Variants in KCNK6 observed in about 807,000 individuals in gnomAD.
KCNK6 encodes the protein potassium channel subfamily K member 6.
In KCNK6, 20 loss-of-function variants were observed where a neutral mutation model predicts 21.9. The ratio of observed to expected loss-of-function variants is 0.91; its 90% CI spans 0.64 to 1.32. The LOEUF (loss-of-function observed/expected upper bound fraction) is 1.32, where lower values mean the gene tolerates loss of function less well. Among genes scored for constraint, KCNK6 ranks in the 40% most tolerant of loss-of-function variants. The pLI, the probability that KCNK6 is intolerant of heterozygous loss-of-function variation, is 0.00. For synonymous variants in KCNK6, 210 were observed against 218.0 expected (o/e 0.96, Z 0.32); for missense variants, 415 against 433.1 (o/e 0.96, Z 0.37).
rs1237337299 is a variant in KCNK6, at chr19:38,320,088, G to A, written c.138G>A (p.Gln46=). The part of the protein sequence containing the change: ...LRAELETLRA[Q]LLQRSPCVAA... ...CCGAGCTGGAGACGCTGCGGGCGCA[G>A]CTGCTTCAGCGCAGCCCGTGTGTGG... The change falls in exon 1 of 3, where the codon CAG becomes CAA. Residue 46 remains glutamine, a synonymous_variant. Coordinates refer to ENST00000263372, the MANE Select transcript of KCNK6 (RefSeq NM_004823.3). 2.6e-6 allele frequency: 4 copies of A among 1,542,036 alleles called. No homozygotes were observed. Among genetic ancestry groups the A allele is most frequent in the Admixed American group, 3.9e-5 (2 of 51,672 alleles).
In KCNK6 at chr19:38,327,498, G is replaced by C; in HGVS notation, c.*95G>C. The C allele has an allele frequency of 8.6e-7, 1 of 1,167,246 alleles. No individual in the cohort carries two copies. The highest frequency in any genetic ancestry group is 1.2e-6 in the Non-Finnish European group (1 of 827,172). The allele number at this position is 1,167,246 out of a possible 1,614,324, so 72.3% of individuals were successfully genotyped here. ...CTGTACAGGAATGTCCACGAGCACA[G>C]CAGGTGATCTTGAGGCCTTGCCGTC... On this transcript the variant is annotated 3_prime_UTR_variant, in exon 3 of 3. Transcript: ENST00000263372.
At chr19:38,326,500 A>G in intron 1 of KCNK6, 93 bp from the exon 2 acceptor site, 1 of 1,406,476 alleles carries the variant, frequency 7.1e-7, no homozygotes, top group Admixed American at 2.1e-5. Context: ...GCAGTAAGCT[A>G]TGATGGCACC....
At position 38,327,518 on chromosome 19, in the gene KCNK6, G is replaced by A. The variant is rs761967593; in HGVS notation, c.*115G>A. On this transcript the variant is annotated 3_prime_UTR_variant, in exon 3 of 3. Coordinates refer to ENST00000263372, the MANE Select transcript of KCNK6 (RefSeq NM_004823.3). ...GCACAGCAGGTGATCTTGAGGCCTT[G>A]CCGTCCACCGTCTCTCCTTTGTTTC... The A allele has an allele frequency of 6.7e-6, 6 of 897,906 alleles. No homozygotes were observed. Among genetic ancestry groups the A allele is most frequent in the Non-Finnish European group, 1.0e-5 (6 of 592,988 alleles). 55.6% of individuals were successfully genotyped at this position (897,906 alleles called of 1,614,324 possible). A position where few individuals can be genotyped will look rare whatever the true frequency, so the allele number is the denominator to read the frequency against.
At chr19:38,322,754 G>A (rs965783560) in intron 1 of KCNK6, among the ~76,000 whole-genome samples, 3 of 152,044 alleles carry the variant, frequency 2.0e-5, no homozygotes, top group Non-Finnish European at 4.4e-5. Flanking sequence ...GGCAGAGGTT[G>A]CAATAAGCTG....
At chr19:38,320,374 C>A (rs1057194633) in intron 1 of KCNK6, 102 bp downstream of exon 1, 2 of 1,225,214 alleles carry the variant, frequency 1.6e-6, no homozygotes, top group Admixed American at 2.5e-5. Context: ...TTATCCCAAT[C>A]CCCTCTGGGC....
chr19:38,325,249 T>A (rs988477341), intron 1 of KCNK6: 1 of 194,180 alleles, frequency 5.1e-6, no homozygotes, highest in Non-Finnish European at 9.4e-6. Context: ...GCTGAGTAGC[T>A]GGGACTATAG....
Position 38,327,400 on chromosome 19 carries a change from G to T in KCNK6, c.939G>T (p.Arg313Ser). Residue 313 changes from arginine (R) to serine (S), a missense_variant, in exon 3 of 3, where the codon AGG becomes AGT. Arg to Ser is a moderately radical substitution (Grantham distance 110). Coordinates refer to ENST00000263372, the MANE Select transcript of KCNK6 (RefSeq NM_004823.3). ...ACACCGACTACGCTTCCATCCCCAG[G>T]TAGCTGGGGCAGCCTCTGCCAGGCT... ...SSHTDYASIP[R>S] 6.2e-7 allele frequency: 1 copy of T among 1,606,864 alleles called. No individual in the cohort carries two copies.
At chr19:38,324,388 T>G (rs2145040616) in intron 1 of KCNK6, among the ~76,000 whole-genome samples, 1 of 152,334 alleles carries the variant, frequency 6.6e-6, no homozygotes, top group African/African-American at 2.4e-5. Flanking sequence ...TTCCAGGTAG[T>G]CAGTCCAAGT....
At position 38,331,359 on chromosome 19, in the gene KCNK6, C is replaced by T. The variant is rs1473894327; in HGVS notation, c.*3956C>T. The T allele has an allele frequency of 6.6e-6, 1 of 152,452 alleles. No homozygotes were observed. The highest frequency in any genetic ancestry group is 1.5e-5 in the Non-Finnish European group (1 of 68,392). The allele number at this position is 152,452 out of a possible 1,614,324, so 9.4% of individuals were successfully genotyped here. On this transcript the variant is annotated 3_prime_UTR_variant, in exon 3 of 3. Transcript: ENST00000263372. ...GAAAAAAAAGGGCCAGGCACAGTGGCTCACGCCTGTAATTCCAGTACTTTG... is the reference window on the plus strand; with the variant it reads ...GAAAAAAAAGGGCCAGGCACAGTGGTTCACGCCTGTAATTCCAGTACTTTG...
intron 1 of KCNK6, among the ~76,000 whole-genome samples, chr19:38,321,818 C>T (rs1969655189): frequency 6.6e-6 from 1 of 152,206 alleles, no homozygotes; most frequent in South Asian, 2.1e-4. Flanking sequence ...GTCATGTGCA[C>T]GCCTCCTACC....
In KCNK6 at chr19:38,320,105, C is replaced by A. The variant is rs758075433; in HGVS notation, c.155C>A (p.Pro52Gln). The change falls in exon 1 of 3, where the codon CCG (proline) becomes CAG (glutamine). Residue 52 changes from proline to glutamine, a missense_variant. Physicochemically the swap from Pro to Gln is moderately conservative, Grantham distance 76 (BLOSUM62 -1). Coordinates refer to ENST00000263372, the MANE Select transcript of KCNK6 (RefSeq NM_004823.3). ...TLRAQLLQRS[P>Q]CVAAPALDAF... ...CGGGCGCAGCTGCTTCAGCGCAGCC[C>A]GTGTGTGGCTGCCCCCGCCCTGGAC... The A allele has an allele frequency of 1.6e-4, 244 of 1,567,908 alleles. No homozygotes were observed. The highest frequency in any genetic ancestry group is 2.1e-4 in the Non-Finnish European group (240 of 1,164,910).
intron 1 of KCNK6, among the ~76,000 whole-genome samples, chr19:38,323,061 C>T (rs1282279089): frequency 3.9e-5 from 6 of 152,028 alleles, no homozygotes; most frequent in Non-Finnish European, 5.9e-5. Flanking sequence ...TGCAGTGAGC[C>T]GAGATCTCGC....
At position 38,330,129 on chromosome 19, in the gene KCNK6, A is replaced by G; in HGVS notation, c.*2726A>G. Reference sequence around the variant, plus strand: ...GTGGATCACCTGAGGTCAGGAGTTCAAGACCAGCCTGGCCAACATGGTGAA... The same window carrying G: ...GTGGATCACCTGAGGTCAGGAGTTCGAGACCAGCCTGGCCAACATGGTGAA... On this transcript the variant is annotated 3_prime_UTR_variant, in exon 3 of 3. Transcript: ENST00000263372. The G allele has an allele frequency of 6.6e-6, 1 of 152,284 alleles. No homozygotes were observed. The highest frequency in any genetic ancestry group is 1.5e-5 in the Non-Finnish European group (1 of 68,084). 9.4% of individuals were successfully genotyped at this position (152,284 alleles called of 1,614,324 possible). A position where few individuals can be genotyped will look rare whatever the true frequency, so the allele number is the denominator to read the frequency against.
chr19:38,326,423 C>G (rs1212498235), intron 1 of KCNK6, among the ~76,000 whole-genome samples, 170 bp from the exon 2 acceptor site: 1 of 152,162 alleles, frequency 6.6e-6, no homozygotes, highest in Non-Finnish European at 1.5e-5. Flanking sequence ...CTGGACATGC[C>G]TGTAGTCCCA....
chr19:38,325,057 A>G (rs1351312546), intron 1 of KCNK6: 3 of 151,504 alleles, frequency 2.0e-5, no homozygotes, highest in Non-Finnish European at 4.4e-5. Context: ...GAGGCTGGCC[A>G]TGCCATGTGG....
rs1377337373 is a variant in KCNK6 at position 38,329,686 on chromosome 19, AG to A, written c.*2285del. On this transcript the variant is annotated 3_prime_UTR_variant, in exon 3 of 3. Coordinates refer to ENST00000263372, the MANE Select transcript of KCNK6 (RefSeq NM_004823.3). Reference sequence around the variant, plus strand: ...AGAGAGCCATGGAAGGGTTTAGAGTAGGAGTGGGTCATGGTTAGGTTTGGGT... The same window carrying A: ...AGAGAGCCATGGAAGGGTTTAGAGTAGAGTGGGTCATGGTTAGGTTTGGGT... The A allele has an allele frequency of 6.6e-6, 1 of 152,184 alleles. No individual in the cohort carries two copies. The highest frequency in any genetic ancestry group is 2.4e-5 in the African/African-American group (1 of 41,410). 9.4% of individuals were successfully genotyped at this position (152,184 alleles called of 1,614,324 possible). A position where few individuals can be genotyped will look rare whatever the true frequency, so the allele number is the denominator to read the frequency against.
chr19:38,322,449 G>T (rs544145825), intron 1 of KCNK6, among the ~76,000 whole-genome samples: 1 of 152,304 alleles, frequency 6.6e-6, no homozygotes, highest in South Asian at 2.1e-4. Context: ...AGACATTCGG[G>T]TAGGGGGATT....
chr19:38,329,888 C>T lies in KCNK6; in HGVS notation c.*2485C>T, dbSNP rs77862444. 0.14 allele frequency: 21,419 copies of T among 152,386 alleles called. 1,808 individuals are homozygous for T. Among genetic ancestry groups the T allele is most frequent in the South Asian group, 0.21 (1,010 of 4,840 alleles). 9.4% of individuals were successfully genotyped at this position (152,386 alleles called of 1,614,324 possible). On this transcript the variant is annotated 3_prime_UTR_variant, in exon 3 of 3. Coordinates refer to ENST00000263372, the MANE Select transcript of KCNK6 (RefSeq NM_004823.3). ...CAGGAGCCAAGTGGACAGGCCATAG[C>T]CCCCACAGACTGGAGGGACGCGGCT...
In KCNK6 at chr19:38,326,727, C is replaced by T. The variant is rs1308045938; in HGVS notation, c.457C>T (p.Pro153Ser). The T allele has an allele frequency of 6.2e-7, 1 of 1,604,572 alleles. No individual in the cohort carries two copies. The highest frequency in any genetic ancestry group is 8.5e-7 in the Non-Finnish European group (1 of 1,179,978). Residue 153 changes from proline (P) to serine (S), a missense_variant, in exon 2 of 3, where the codon CCC (proline) becomes TCC (serine). Coordinates refer to ENST00000263372, the MANE Select transcript of KCNK6 (RefSeq NM_004823.3). ...QRLSLLLTHVPLSWLSMRWGW... is the reference protein window; with the variant it reads ...QRLSLLLTHVSLSWLSMRWGW... ...CCTGTCACTGCTGCTGACTCACGTGCCCCTGTCTTGGCTGAGCATGCGTTG... is the reference window on the plus strand; with the variant it reads ...CCTGTCACTGCTGCTGACTCACGTGTCCCTGTCTTGGCTGAGCATGCGTTG...
Sources: gnomAD v4.1 joint callset for allele counts (sites outside exome capture counted in the v4.1 genomes callset) on GRCh38, gnomAD v4.1.1 for gene constraint, MANE v1.5 for transcripts, NCBI Gene and HGNC (gene_info 2026-07-23, HGNC 2026-07-21) for gene names.